The following ADAM19 variants were observed in gnomAD, a reference collection of about 807,000 sequenced individuals.
ADAM19 encodes the protein ADAM metallopeptidase domain 19.
In ADAM19, 65 loss-of-function variants were observed where a neutral mutation model predicts 114.7. The ratio of observed to expected loss-of-function variants is 0.57; its 90% CI spans 0.46 to 0.70. The LOEUF (loss-of-function observed/expected upper bound fraction) is 0.70. ADAM19 is among the 30% of genes least tolerant of loss of function. The probability of loss-of-function intolerance (pLI) is 0.00; values close to 1 mark genes in which losing one functional copy is unlikely to be tolerated. For missense variants in ADAM19, 1,063 were observed against 1,204.7 expected (o/e 0.88, Z 1.74); for synonymous variants, 466 against 460.5 (o/e 1.01, Z -0.15).
chr5:157,502,067 A>C (rs1391592658), intron 12 of ADAM19, among the ~76,000 whole-genome samples: 1 of 148,000 alleles, frequency 6.8e-6, no homozygotes, highest in African/African-American at 2.4e-5. Flanking sequence ...CCATAAAATC[A>C]GATTTTTTTT....
At chr5:157,491,567 C>T (rs770280914) in intron 18 of ADAM19, 48 bp downstream of exon 18, 39 of 1,344,766 alleles carry the variant, frequency 2.9e-5, no homozygotes, top group South Asian at 2.0e-4. Context: ...CCCTGATGCC[C>T]GCTCTTCTCA....
Position 157,570,911 on chromosome 5 carries a change from C to T in ADAM19, c.164G>A (p.Ser55Asn), listed in dbSNP as rs901096877. The change falls in exon 2 of 23, where the codon AGC becomes AAC. Residue 55 changes from serine (S) to asparagine (N), a missense_variant. Around this residue, in one of 3 missense-constraint regions of ADAM19, gnomAD observed 615 missense variants for 706.3 expected, o/e 0.87. Transcript: ENST00000257527. Reference protein sequence around the residue: ...LIIPQWKTSESPVREKHPLKA... With the variant: ...LIIPQWKTSENPVREKHPLKA... ...GAGTCTTACCTTTTCTCTCACGGGG[C>T]TTTCTGAAGTCTTCCACTGAGGTAT... 3 of 1,614,010 alleles carry T rather than the reference C, an allele frequency of 1.9e-6. No individual in the cohort carries two copies. Among genetic ancestry groups the T allele is most frequent in the African/African-American group, 2.7e-5 (2 of 74,930 alleles).
At chr5:157,501,207 T>C (rs1056531143) in intron 12 of ADAM19, among the ~76,000 whole-genome samples, 3 of 152,102 alleles carry the variant, frequency 2.0e-5, no homozygotes, top group Non-Finnish European at 4.4e-5. Context: ...TGTACCATAT[T>C]TCTTCCCACG....
chr5:157,547,376 G>A (rs1021351944), intron 3 of ADAM19, among the ~76,000 whole-genome samples: 1 of 152,224 alleles, frequency 6.6e-6, no homozygotes, highest in Non-Finnish European at 1.5e-5. Context: ...AGTGTTGGAA[G>A]GTAGGCCTCA....
intron 5 of ADAM19, among the ~76,000 whole-genome samples, chr5:157,528,025 G>A (rs1460152180): frequency 6.6e-6 from 1 of 152,100 alleles, no homozygotes; most frequent in African/African-American, 2.4e-5. Context: ...CATGTTTCCA[G>A]GAAAGAAGAA....
rs370760718 is a variant in ADAM19 at position 157,555,667 on chromosome 5, C to T, written c.251+8706G>A. On this transcript the variant is annotated intron_variant, in intron 3 of 22. Coordinates refer to ENST00000257527, the MANE Select transcript of ADAM19 (RefSeq NM_033274.5). ...ATACATTATCTCCTAACCTCACAAACCCTGTGTGTGTGTTTCCTGGGGCTA... is the reference window on the plus strand; with the variant it reads ...ATACATTATCTCCTAACCTCACAAATCCTGTGTGTGTGTTTCCTGGGGCTA... Among the ~76,000 whole-genome samples the T allele has an allele frequency of 1.2e-3, 188 of 152,326 alleles. 2 individuals carry two copies. Among genetic ancestry groups the T allele is most frequent in the African/African-American group, 4.0e-3 (167 of 41,584 alleles).
rs759305063 is a variant in ADAM19 at position 157,497,134 on chromosome 5, C to T, written c.1399-45G>A. 26 of 1,436,968 alleles carry T rather than the reference C, an allele frequency of 1.8e-5. No individual in the cohort carries two copies. The Middle Eastern group carries it at 1.1e-3, about 60-fold the overall frequency. 89.0% of individuals were successfully genotyped at this position (1,436,968 alleles called of 1,614,324 possible). On this transcript the variant is annotated intron_variant, in intron 13 of 22. Transcript: ENST00000257527. ...GAAAACACAGTCAATCTCCTCCCCA[C>T]CCTCAACCCTGTTGCCCAAGGGCTC...
chr5:157,545,511 C>T lies in ADAM19; in HGVS notation c.252-7520G>A, dbSNP rs577556801. On this transcript the variant is annotated intron_variant, in intron 3 of 22. Transcript: ENST00000257527. ...CAAACCTTAGTTTTTCAACTTTTCCCTCATTCTATGCGTTGCCCCATATCC... is the reference window on the plus strand; with the variant it reads ...CAAACCTTAGTTTTTCAACTTTTCCTTCATTCTATGCGTTGCCCCATATCC... Among the ~76,000 whole-genome samples the T allele has an allele frequency of 1.1e-4, 16 of 152,264 alleles. No individual in the cohort carries two copies. In the South Asian group the frequency reaches 2.9e-3, roughly 28 times the overall value.
At chr5:157,495,933 CTTTTTTTT>C (rs57078206) in intron 14 of ADAM19, among the ~76,000 whole-genome samples, 1 of 75,878 alleles carries the variant, frequency 1.3e-5, no homozygotes, top group Non-Finnish European at 2.4e-5. Context: ...TGTGCCCAGT[CTTTTTTTT>C]TTTTTTTTTT....
intron 18 of ADAM19, 77 bp downstream of exon 18, chr5:157,491,538 T>C: frequency 2.9e-6 from 3 of 1,041,898 alleles, no homozygotes; most frequent in Non-Finnish European, 4.1e-6. Flanking sequence ...ATGTGGATGC[T>C]CTGCAACATG....
chr5:157,516,208 A>G (rs1756085446), intron 7 of ADAM19, among the ~76,000 whole-genome samples: 1 of 151,864 alleles, frequency 6.6e-6, no homozygotes, highest in Non-Finnish European at 1.5e-5. Flanking sequence ...ACACACCCCC[A>G]CCCCAGTCCC....
chr5:157,573,700 C>T (rs1482671604), intron 1 of ADAM19, among the ~76,000 whole-genome samples: 1 of 149,864 alleles, frequency 6.7e-6, no homozygotes, highest in South Asian at 2.1e-4. Flanking sequence ...GAGCCCAGAT[C>T]GTGCCACTGC....
At chr5:157,499,738 A>G (rs1243274744) in intron 12 of ADAM19, 76 bp from the exon 13 acceptor site, 1 of 967,914 alleles carries the variant, frequency 1.0e-6, no homozygotes, top group African/African-American at 1.7e-5. Flanking sequence ...CCTTGCCCAC[A>G]CACCCCTGGA....
At chr5:157,568,851 A>C (rs1057483876) in intron 2 of ADAM19, 1 of 152,224 alleles carries the variant, frequency 6.6e-6, no homozygotes, top group Non-Finnish European at 1.5e-5. Flanking sequence ...TTCATTGAAC[A>C]AATAGTTACG....
intron 22 of ADAM19, chr5:157,481,211 C>A: frequency 1.6e-6 from 1 of 636,002 alleles, no homozygotes; most frequent in South Asian, 1.9e-5. Flanking sequence ...TCAAGCTGAC[C>A]AGCCACCCCT....
intron 21 of ADAM19, among the ~76,000 whole-genome samples, chr5:157,486,550 C>T (rs902012662): frequency 1.3e-5 from 2 of 152,096 alleles, no homozygotes; most frequent in Non-Finnish European, 2.9e-5. Flanking sequence ...CCCCGCTGTC[C>T]CTGACACTTC....
chr5:157,483,396 AGTGACAG>A (rs1434693724), intron 21 of ADAM19, among the ~76,000 whole-genome samples: 1 of 152,200 alleles, frequency 6.6e-6, no homozygotes, highest in Non-Finnish European at 1.5e-5. Flanking sequence ...AAAATTATAA[AGTGACAG>A]ATGATATAGC....
At chr5:157,512,457 G>T (rs1755951558) in intron 8 of ADAM19, among the ~76,000 whole-genome samples, 1 of 152,132 alleles carries the variant, frequency 6.6e-6, no homozygotes, top group Non-Finnish European at 1.5e-5. Context: ...CTAAAATTGT[G>T]CAATAAACGT....
intron 8 of ADAM19, among the ~76,000 whole-genome samples, chr5:157,510,920 AAGG>A (rs1283093446): frequency 6.6e-6 from 1 of 152,178 alleles, no homozygotes; most frequent in East Asian, 1.9e-4. Flanking sequence ...AGGTTTTGTC[AAGG>A]ATGGAATAAG....
Sources: allele counts gnomAD v4.1 joint callset (sites outside exome capture counted in the v4.1 genomes callset), GRCh38; gene constraint gnomAD v4.1.1; regional missense constraint gnomAD v4.1.1; transcripts MANE v1.5; gene names NCBI Gene and HGNC (gene_info 2026-07-23, HGNC 2026-07-21).